The following ATP10A variants were observed in gnomAD, a reference collection of about 807,000 sequenced individuals.
The protein encoded by ATP10A is ATPase phospholipid transporting 10A (putative), also known as phospholipid-transporting ATPase VA.
A neutral mutation model predicts 147.8 loss-of-function variants in ATP10A; 111 were observed. The observed-to-expected ratio is 0.75, with a 90% CI of 0.64 to 0.88. ATP10A has a LOEUF of 0.88. Ranked by LOEUF, ATP10A falls within the 40% of genes least tolerant of loss-of-function variation. ATP10A has a pLI of 0.00. For missense variants in ATP10A, 1,927 were observed against 1,959.0 expected, an observed-to-expected ratio of 0.98 and a Z score of 0.31; for synonymous variants, 875 against 841.6, an observed-to-expected ratio of 1.04 and a Z score of -0.69.
In ATP10A at chr15:25,727,188, G is replaced by C. The variant is rs767281348; in HGVS notation, c.819C>G (p.Asp273Glu). Reference sequence around the variant, plus strand: ...CGTAGATGACAATGCCGACGACTGCGTCCGTGTTCCTAAGGGTGCAGCCCC... The same window carrying C: ...CGTAGATGACAATGCCGACGACTGCCTCCGTGTTCCTAAGGGTGCAGCCCC... Reference protein sequence around the residue: ...LLRGCTLRNTDAVVGIVIYAG... With the variant: ...LLRGCTLRNTEAVVGIVIYAG... Residue 273 changes from aspartate (D) to glutamate (E), a missense_variant, in exon 4 of 21, where the codon GAC (aspartate) becomes GAG (glutamate). Transcript: ENST00000555815. 12 of 1,613,464 alleles carry C rather than the reference G, an allele frequency of 7.4e-6. No individual in the cohort carries two copies. Among genetic ancestry groups the C allele is most frequent in the Admixed American group, 1.7e-5 (1 of 59,928 alleles).
intron 1 of ATP10A, among the ~76,000 whole-genome samples, chr15:25,803,225 G>A (rs1891018568): frequency 6.6e-6 from 1 of 152,198 alleles, no homozygotes; most frequent in African/African-American, 2.4e-5. Context: ...CCTGTCTCGG[G>A]CACTTCCGCC....
At chr15:25,808,225 A>C (rs1891281263) in intron 1 of ATP10A, among the ~76,000 whole-genome samples, 1 of 152,148 alleles carries the variant, frequency 6.6e-6, no homozygotes, top group Admixed American at 6.5e-5. Context: ...TCAAGGTCTC[A>C]TCATGGGTTT....
At chr15:25,829,791 G>A (rs968401506) in intron 1 of ATP10A, among the ~76,000 whole-genome samples, 1 of 152,114 alleles carries the variant, frequency 6.6e-6, no homozygotes, top group Non-Finnish European at 1.5e-5. Context: ...GGGATGGGAG[G>A]CGGAGAGTGA....
intron 1 of ATP10A, among the ~76,000 whole-genome samples, chr15:25,819,002 T>A (rs1231666642): frequency 6.6e-6 from 1 of 152,150 alleles, no homozygotes; most frequent in Admixed American, 6.5e-5. Flanking sequence ...GAGGGAAGAC[T>A]GCTGGACGTT....
chr15:25,780,795 A>G (rs1241976678), intron 2 of ATP10A, among the ~76,000 whole-genome samples: 1 of 152,182 alleles, frequency 6.6e-6, no homozygotes, highest in East Asian at 1.9e-4. Flanking sequence ...ACATGCACAA[A>G]AGAAATCAGA....
chr15:25,742,198 G>GTGACAAGC (rs1887616459), intron 2 of ATP10A, among the ~76,000 whole-genome samples: 1 of 152,194 alleles, frequency 6.6e-6, no homozygotes, highest in African/African-American at 2.4e-5. Flanking sequence ...CGTCTCCACG[G>GTGACAAGC]TGACAAGCTG....
chr15:25,830,139 A>T (rs1404348269), intron 1 of ATP10A, among the ~76,000 whole-genome samples: 1 of 152,090 alleles, frequency 6.6e-6, no homozygotes, highest in East Asian at 1.9e-4. Context: ...AGCCACGGAG[A>T]GGAGGAGGCC....
chr15:25,743,239 C>T (rs8027096), intron 2 of ATP10A, among the ~76,000 whole-genome samples: 11,195 of 152,174 alleles, frequency 0.074, 981 homozygotes, highest in Admixed American at 0.19. Context: ...AAACCTCTTG[C>T]GCTAATCTGG....
chr15:25,734,562 A>G (rs1196282254), intron 3 of ATP10A, among the ~76,000 whole-genome samples: 1 of 152,142 alleles, frequency 6.6e-6, no homozygotes, highest in Non-Finnish European at 1.5e-5. Context: ...GGGGCAAGGG[A>G]TCAAGGAGGC....
At chr15:25,760,151 C>T (rs779731658) in intron 2 of ATP10A, among the ~76,000 whole-genome samples, 1 of 151,844 alleles carries the variant, frequency 6.6e-6, no homozygotes, top group Non-Finnish European at 1.5e-5. Flanking sequence ...AACTTTTGAC[C>T]GAAATTAACT....
At chr15:25,792,566 C>A (rs557181687) in intron 1 of ATP10A, among the ~76,000 whole-genome samples, 1 of 152,176 alleles carries the variant, frequency 6.6e-6, no homozygotes, top group Non-Finnish European at 1.5e-5. Context: ...CAAATGCTCC[C>A]GGGGGTTAGA....
chr15:25,829,012 A>G (rs1039304511), intron 1 of ATP10A, among the ~76,000 whole-genome samples: 2 of 152,200 alleles, frequency 1.3e-5, no homozygotes, highest in African/African-American at 2.4e-5. Context: ...ACGCTGGAAC[A>G]TGTGCGAGAA....
At chr15:25,829,842 C>A (rs1892277684) in intron 1 of ATP10A, among the ~76,000 whole-genome samples, 1 of 152,098 alleles carries the variant, frequency 6.6e-6, no homozygotes, top group South Asian at 2.1e-4. Context: ...AGGTACAGGA[C>A]CCTGTGGGTC....
Position 25,862,982 on chromosome 15 carries a change from C to T in ATP10A, c.115G>A (p.Asp39Asn), listed in dbSNP as rs1226371944. Residue 39 changes from aspartate (D) to asparagine (N), a missense_variant, in exon 1 of 21, where the codon GAC (aspartate) becomes AAC (asparagine). Physicochemically the swap from Asp to Asn is conservative, Grantham distance 23 (BLOSUM62 1). Transcript: ENST00000555815. ...CCCTTGGCCGCGCCAGCCGCAGGGT[C>T]CTCGGCGCCCGGGGGCGGCAGCAGG... Reference protein sequence around the residue: ...SNLLPPPGAEDPAAGAAKGER... With the variant: ...SNLLPPPGAENPAAGAAKGER... 9.0e-6 allele frequency: 13 copies of T among 1,439,626 alleles called. No individual in the cohort carries two copies. The African/African-American group carries it at 1.2e-4, about 13-fold the overall frequency. The allele number at this position is 1,439,626 out of a possible 1,614,324, so 89.2% of individuals were successfully genotyped here. A position where few individuals can be genotyped will look rare whatever the true frequency, so the allele number is the denominator to read the frequency against.
intron 2 of ATP10A, among the ~76,000 whole-genome samples, chr15:25,745,475 A>G (rs1887800479): frequency 6.6e-6 from 1 of 152,080 alleles, no homozygotes. Context: ...TAATCCAAGC[A>G]CTTCGGGAGG....
chr15:25,740,247 TA>T (rs905403944), intron 2 of ATP10A, among the ~76,000 whole-genome samples: 3 of 152,198 alleles, frequency 2.0e-5, no homozygotes, highest in African/African-American at 7.2e-5. Flanking sequence ...AGGATACTGT[TA>T]TTTTTTTTCT....
chr15:25,675,358 T>C (rs1899115742), downstream of ATP10A, among the ~76,000 whole-genome samples: 1 of 152,212 alleles, frequency 6.6e-6, no homozygotes, highest in Admixed American at 6.5e-5. Flanking sequence ...TAAGGTCAAG[T>C]AGTTCGAAAG....
At chr15:25,737,890 C>CA (rs1290252114) in intron 2 of ATP10A, among the ~76,000 whole-genome samples, 4 of 151,650 alleles carry the variant, frequency 2.6e-5, no homozygotes, top group African/African-American at 7.3e-5. Context: ...AGGGAGAAGC[C>CA]AAAAAAAGAG....
chr15:25,742,322 G>A (rs990908248), intron 2 of ATP10A, among the ~76,000 whole-genome samples: 1 of 152,242 alleles, frequency 6.6e-6, no homozygotes, highest in African/African-American at 2.4e-5. Context: ...ACTGATCAAG[G>A]GGTGTCTGGG....
Sources: allele counts gnomAD v4.1 joint callset (sites outside exome capture counted in the v4.1 genomes callset), GRCh38; gene constraint gnomAD v4.1.1; transcripts MANE v1.5; gene names NCBI Gene and HGNC (gene_info 2026-07-23, HGNC 2026-07-21).